The following QTMAN variants were observed in gnomAD, a reference collection of about 807,000 sequenced individuals.
QTMAN encodes the protein queuosine-tRNA mannosyltransferase.
At chr2:144,002,861 T>C in the QTMAN span, among the ~76,000 whole-genome samples, 1 of 151,978 alleles carries the variant, frequency 6.6e-6, no homozygotes. Flanking sequence ...ACATTCAACT[T>C]TTCCAGCTAT....
chr2:144,305,804 T>C, the QTMAN span, among the ~76,000 whole-genome samples: 1 of 152,224 alleles, frequency 6.6e-6, no homozygotes, highest in African/African-American at 2.4e-5. Context: ...CCGCTTATTT[T>C]CTTAATTTCT....
At chr2:144,196,158 T>C in the QTMAN span, among the ~76,000 whole-genome samples, 1 of 151,826 alleles carries the variant, frequency 6.6e-6, no homozygotes, top group Non-Finnish European at 1.5e-5. Context: ...TCATTACATT[T>C]GAATGAGAAA....
chr2:144,155,686 T>C, the QTMAN span, among the ~76,000 whole-genome samples: 1 of 152,166 alleles, frequency 6.6e-6, no homozygotes, highest in Non-Finnish European at 1.5e-5. Flanking sequence ...TTTAAGGACC[T>C]ACTGACCAGT....
At chr2:144,202,107 A>G in the QTMAN span, among the ~76,000 whole-genome samples, 1 of 152,224 alleles carries the variant, frequency 6.6e-6, no homozygotes, top group African/African-American at 2.4e-5. Context: ...AATAGTATAA[A>G]TAAAGGAAAG....
the QTMAN span, among the ~76,000 whole-genome samples, chr2:144,109,032 T>A: frequency 2.6e-5 from 4 of 152,178 alleles, no homozygotes; most frequent in African/African-American, 9.7e-5. Flanking sequence ...AAGCTACCAA[T>A]GACTTTCTTC....
At chr2:144,032,735 T>C in the QTMAN span, among the ~76,000 whole-genome samples, 1 of 152,176 alleles carries the variant, frequency 6.6e-6, no homozygotes, top group Admixed American at 6.5e-5. Flanking sequence ...AAACACAACA[T>C]TGGATAAATT....
the QTMAN span, among the ~76,000 whole-genome samples, chr2:143,955,506 AT>A: frequency 6.6e-6 from 1 of 152,188 alleles, no homozygotes; most frequent in African/African-American, 2.4e-5. Flanking sequence ...TGAATAAACT[AT>A]TGAAAAAAAT....
chr2:144,050,124 G>A, the QTMAN span, among the ~76,000 whole-genome samples: 1 of 152,010 alleles, frequency 6.6e-6, no homozygotes, highest in African/African-American at 2.4e-5. Context: ...TAATTCCAAA[G>A]GCTTTGTATT....
the QTMAN span, among the ~76,000 whole-genome samples, chr2:144,136,483 A>G: frequency 1.3e-5 from 2 of 151,718 alleles, no homozygotes; most frequent in Non-Finnish European, 2.9e-5. Flanking sequence ...GAAAAGAGAA[A>G]AGAGAAAGGA....
chr2:144,246,344 C>T, the QTMAN span, among the ~76,000 whole-genome samples: 29 of 151,740 alleles, frequency 1.9e-4, no homozygotes, highest in African/African-American at 6.5e-4. Flanking sequence ...GAGGCCGAGG[C>T]GGGTGGATCA....
the QTMAN span, among the ~76,000 whole-genome samples, chr2:144,215,261 A>T: frequency 0.14 from 19,387 of 141,986 alleles, 1,799 homozygotes; most frequent in African/African-American, 0.28. Flanking sequence ...AAAAAAAAAA[A>T]ATATATATAT....
At chr2:144,280,762 T>TA in the QTMAN span, among the ~76,000 whole-genome samples, 3 of 151,288 alleles carry the variant, frequency 2.0e-5, no homozygotes, top group Admixed American at 1.3e-4. Flanking sequence ...AAGAAACAGG[T>TA]AAAAAACATG....
chr2:144,051,677 A>G, the QTMAN span, among the ~76,000 whole-genome samples: 13 of 152,344 alleles, frequency 8.5e-5, no homozygotes, highest in South Asian at 2.3e-3. Flanking sequence ...GATGATACAA[A>G]GCAGAGTAAG....
At chr2:144,020,225 T>C in the QTMAN span, among the ~76,000 whole-genome samples, 1 of 152,138 alleles carries the variant, frequency 6.6e-6, no homozygotes, top group South Asian at 2.1e-4. Flanking sequence ...CCCATGGACC[T>C]AGGTGAAGAC....
At chr2:144,268,773 C>T in the QTMAN span, among the ~76,000 whole-genome samples, 1 of 151,866 alleles carries the variant, frequency 6.6e-6, no homozygotes, top group South Asian at 2.1e-4. Context: ...AGTAAACATT[C>T]CTTTCTAATG....
the QTMAN span, among the ~76,000 whole-genome samples, chr2:144,310,532 G>C: frequency 2.0e-5 from 3 of 152,202 alleles, no homozygotes; most frequent in African/African-American, 7.2e-5. Flanking sequence ...CAGGTTGTGA[G>C]AAAAAGCTGA....
the QTMAN span, among the ~76,000 whole-genome samples, chr2:144,113,745 T>C: frequency 6.6e-6 from 1 of 152,236 alleles, no homozygotes; most frequent in Non-Finnish European, 1.5e-5. Flanking sequence ...GAAAACAGTT[T>C]GAACAGTGGA....
chr2:144,208,687 G>T, the QTMAN span: 1 of 1,613,646 alleles, frequency 6.2e-7, no homozygotes, highest in South Asian at 1.1e-5. Context: ...TGCAGGAAGG[G>T]TATAAACGAC....
At chr2:144,177,252 T>TAAA in the QTMAN span, 3,864 of 580,350 alleles carry the variant, frequency 6.7e-3, 3 homozygotes, top group Admixed American at 0.019. Flanking sequence ...TTGATCCCAA[T>TAAA]AAAAAAAAAA....
Sources: allele counts gnomAD v4.1 joint callset (sites outside exome capture counted in the v4.1 genomes callset), GRCh38; gene constraint gnomAD v4.1.1; transcripts MANE v1.5; gene names NCBI Gene and HGNC (gene_info 2026-07-23, HGNC 2026-07-21).